Variants in COL6A1 observed in about 807,000 individuals in gnomAD.
COL6A1 encodes the protein collagen alpha-1(VI) chain.
Under a neutral mutation model 145.6 loss-of-function variants are expected in COL6A1, and 80 were observed. That is an observed-to-expected ratio of 0.55 (90% confidence interval 0.46 to 0.66). COL6A1 has a LOEUF of 0.66. Ranked by LOEUF, COL6A1 falls within the 30% of genes least tolerant of loss-of-function variation. COL6A1 has a pLI of 0.00. For synonymous variants in COL6A1, 638 were observed against 622.8 expected, an observed-to-expected ratio of 1.02 and a Z score of -0.36; for missense variants, 1,364 against 1,473.8, an observed-to-expected ratio of 0.93 and a Z score of 1.22.
At chr21:45,999,797 G>T in intron 27 of COL6A1, 105 bp downstream of exon 27, 2 of 957,400 alleles carry the variant, frequency 2.1e-6, no homozygotes, top group South Asian at 1.4e-5. Context: ...GCTCACGGGG[G>T]GGTGGGTTGT....
At position 45,997,455 on chromosome 21, in the gene COL6A1, G is replaced by T; in HGVS notation, c.1433G>T (p.Arg478Leu). The change falls in exon 21 of 35, where the codon CGA (arginine) becomes CTA (leucine). Residue 478 changes from arginine (R) to leucine (L), a missense_variant. Arg to Leu is a moderately radical substitution (Grantham distance 102). Around this residue, in one of 3 missense-constraint regions of COL6A1, gnomAD observed 938 missense variants for 1,003.8 expected, o/e 0.93. Coordinates refer to ENST00000361866, the MANE Select transcript of COL6A1 (RefSeq NM_001848.3). ...EAGPIGPKGY[R>L]GDEGPPGSEG... ...GGCCCTATCGGACCTAAAGGCTACC[G>T]AGGCGATGAGGGTCCCCCAGGGTCC... 2 of 1,612,822 alleles carry T rather than the reference G, an allele frequency of 1.2e-6. No individual in the cohort carries two copies. Among genetic ancestry groups the T allele is most frequent in the South Asian group, 1.1e-5 (1 of 91,086 alleles).
intron 34 of COL6A1, 79 bp from the exon 35 acceptor site, chr21:46,003,312 G>A: frequency 6.2e-7 from 1 of 1,602,844 alleles, no homozygotes; most frequent in Non-Finnish European, 8.5e-7. Context: ...TCTCTGGGGA[G>A]CTTAGACGCT....
At chr21:45,995,745 C>G (rs1488377963) in intron 20 of COL6A1, among the ~76,000 whole-genome samples, 2 of 152,232 alleles carry the variant, frequency 1.3e-5, no homozygotes, top group Non-Finnish European at 2.9e-5. Context: ...GGCTGCTGTC[C>G]TGGAGGAGGT....
In COL6A1 at chr21:45,999,663, C is replaced by T. The variant is rs1398378213; in HGVS notation, c.1747C>T (p.Pro583Ser). The change falls in exon 27 of 35, where the codon CCA (proline) becomes TCA (serine). Residue 583 changes from proline (P) to serine (S), a missense_variant. Physicochemically the swap from Pro to Ser is moderately conservative, Grantham distance 74. Transcript: ENST00000361866. ...TACTCCGTTTCTCGGACAGGGACCC[C>T]CAGGACACCAAGGACCGCCTGGGCC... ...YRGPEGPQGP[P>S]GHQGPPGPDE... 1 of 1,613,486 alleles carries T rather than the reference C, an allele frequency of 6.2e-7. No homozygotes were observed. Among genetic ancestry groups the T allele is most frequent in the East Asian group, 2.2e-5 (1 of 44,816 alleles).
In COL6A1 at chr21:46,004,006, TG is replaced by T. The variant is rs1354667331; in HGVS notation, c.3083del (p.Gly1028AlafsTer21). ...FHQTVSRKVA[L>X]G Reference sequence around the variant, plus strand: ...CAGACAGTCTCCAGGAAGGTGGCGCTGGGCTAGCCCACCCTGCACGCCGGCA... The same window carrying T: ...CAGACAGTCTCCAGGAAGGTGGCGCTGGCTAGCCCACCCTGCACGCCGGCA... On this transcript the variant is annotated frameshift_variant, in exon 35 of 35. Transcript: ENST00000361866. LOFTEE classifies it high-confidence loss of function. The T allele has an allele frequency of 1.2e-6, 2 of 1,612,994 alleles. No homozygotes were observed. Among genetic ancestry groups the T allele is most frequent in the African/African-American group, 2.7e-5 (2 of 74,952 alleles).
rs2077870362 is a variant in COL6A1 at position 46,004,545 on chromosome 21, A to C, written c.*532A>C. The C allele has an allele frequency of 3.2e-6, 1 of 313,974 alleles. No individual in the cohort carries two copies. The highest frequency in any genetic ancestry group is 3.8e-5 in the Admixed American group (1 of 26,322). 19.4% of individuals were successfully genotyped at this position (313,974 alleles called of 1,614,324 possible). On this transcript the variant is annotated 3_prime_UTR_variant, in exon 35 of 35. Transcript: ENST00000361866. ...AATCCTCACCTAACAGTTACTTTACAATTAAACTCAAAGCAAGCTCTTCTC... is the reference window on the plus strand; with the variant it reads ...AATCCTCACCTAACAGTTACTTTACCATTAAACTCAAAGCAAGCTCTTCTC...
In COL6A1 at chr21:46,000,102, G is replaced by A. The variant is rs35900642; in HGVS notation, c.1777-229G>A. Among the ~76,000 whole-genome samples, 131,566 of 150,398 alleles carry A rather than the reference G, an allele frequency of 0.87. 57,544 individuals are homozygous for A. The highest frequency in any genetic ancestry group is 0.9 in the Admixed American group (13,695 of 15,156). ...ACCCATGAGGACCATGAGGGGACCCGTGACGGCCACGGGGAGACCCATGAC... is the reference window on the plus strand; with the variant it reads ...ACCCATGAGGACCATGAGGGGACCCATGACGGCCACGGGGAGACCCATGAC... On this transcript the variant is annotated intron_variant, in intron 27 of 34. Transcript: ENST00000361866.
At chr21:45,987,124 A>C in intron 5 of COL6A1, 31 bp from the exon 6 acceptor site, 2 of 1,588,888 alleles carry the variant, frequency 1.3e-6, no homozygotes, top group Non-Finnish European at 1.7e-6. Context: ...GCAGGTGGAA[A>C]GTAATTCTGC....
intron 24 of COL6A1, 116 bp from the exon 25 acceptor site, chr21:45,998,781 T>C: frequency 8.0e-7 from 1 of 1,247,710 alleles, no homozygotes; most frequent in Non-Finnish European, 1.1e-6. Flanking sequence ...ATGTGTGTGG[T>C]GGGGGAAGGG....
Position 45,990,664 on chromosome 21 carries a change from GCTTTC to G in COL6A1, c.1003-107_1003-103del. 3.9e-6 allele frequency: 4 copies of G among 1,020,910 alleles called. No homozygotes were observed. The South Asian group carries it at 5.1e-5, about 13-fold the overall frequency. 63.2% of individuals were successfully genotyped at this position (1,020,910 alleles called of 1,614,324 possible). A position where few individuals can be genotyped will look rare whatever the true frequency, so the allele number is the denominator to read the frequency against. ...CCCAGGGGGGTGTCTGCTAGGCAGG[GCTTTC>G]CAGGGAGGGTGTGGAGGGCATGGAG... On this transcript the variant is annotated intron_variant, in intron 13 of 34. Coordinates refer to ENST00000361866, the MANE Select transcript of COL6A1 (RefSeq NM_001848.3).
chr21:45,985,266 A>G (rs2077732703), intron 3 of COL6A1, among the ~76,000 whole-genome samples: 2 of 151,914 alleles, frequency 1.3e-5, no homozygotes, highest in Non-Finnish European at 2.9e-5. Context: ...AAATAGAGAG[A>G]TAGAGACAGA....
chr21:45,986,730 T>A, intron 4 of COL6A1, 45 bp downstream of exon 4: 1 of 1,535,656 alleles, frequency 6.5e-7, no homozygotes, highest in Non-Finnish European at 8.7e-7. Context: ...CCACAGGGAG[T>A]GGCGGCTGCA....
At chr21:45,983,441 G>A (rs904304664) in intron 2 of COL6A1, among the ~76,000 whole-genome samples, 1 of 152,254 alleles carries the variant, frequency 6.6e-6, no homozygotes, top group South Asian at 2.1e-4. Context: ...ACGGGTCCTG[G>A]CAGTGGGGAC....
intron 28 of COL6A1, 36 bp from the exon 29 acceptor site, chr21:46,000,723 C>G: frequency 1.2e-6 from 2 of 1,613,900 alleles, no homozygotes; most frequent in Non-Finnish European, 1.7e-6. Context: ...GGACGCGGCC[C>G]TGACTGGTCT....
rs117330552 is a variant in COL6A1 at position 46,001,222 on chromosome 21, C to T, written c.1823-31C>T. On this transcript the variant is annotated intron_variant, in intron 29 of 34. Coordinates refer to ENST00000361866, the MANE Select transcript of COL6A1 (RefSeq NM_001848.3). ...GGGCCAGGGCACTGGAGGGGAGGGG[C>T]GTGCTCTGCTGACACCGCCCCCGCC... 0.036 allele frequency: 57,410 copies of T among 1,595,018 alleles called. 1,286 individuals are homozygous for T. Among genetic ancestry groups the T allele is most frequent in the Non-Finnish European group, 0.043 (51,045 of 1,175,484 alleles).
intron 29 of COL6A1, 170 bp from the exon 30 acceptor site, chr21:46,001,083 A>T (rs1346788865): frequency 4.2e-6 from 4 of 951,384 alleles, no homozygotes; most frequent in Non-Finnish European, 6.2e-6. Context: ...CGGACAGAGC[A>T]GCCTTTACGG....
At chr21:45,999,298 G>A (rs1235149301) in intron 26 of COL6A1, 80 bp downstream of exon 26, 1 of 1,381,322 alleles carries the variant, frequency 7.2e-7, no homozygotes, top group East Asian at 2.5e-5. Context: ...TGCTGGAAGA[G>A]GCTGGGAGAG....
In COL6A1 at chr21:45,999,037, A is replaced by G. The variant is rs992186807; in HGVS notation, c.1674+78A>G. The G allele has an allele frequency of 2.6e-5, 40 of 1,546,118 alleles. No individual in the cohort carries two copies. In the African/African-American group the frequency reaches 4.8e-4, roughly 19 times the overall value. ...CTGGGCCCTTGAAGGGCAGTGGACC[A>G]GGACCCGCTTGGGGAGGCCTCATGG... On this transcript the variant is annotated intron_variant, in intron 25 of 34. Coordinates refer to ENST00000361866, the MANE Select transcript of COL6A1 (RefSeq NM_001848.3).
Position 45,986,553 on chromosome 21 carries a change from C to A in COL6A1, c.456C>A (p.Tyr152Ter). The change falls in exon 4 of 35, where the codon TAC becomes TAA. Residue 152 changes from tyrosine (Y) to a stop codon, truncating the protein, a stop_gained. Coordinates refer to ENST00000361866, the MANE Select transcript of COL6A1 (RefSeq NM_001848.3). LOFTEE classifies it high-confidence loss of function. Reference protein sequence around the residue: ...VGGSHLKENKYLIVVTDGHPL... With the variant: ...VGGSHLKENK ...GCTCCCACCTGAAGGAGAATAAGTA[C>A]CTGATTGTGGTGACCGACGGGCACC... 1 of 1,565,612 alleles carries A rather than the reference C, an allele frequency of 6.4e-7. No individual in the cohort carries two copies. Among genetic ancestry groups the A allele is most frequent in the Non-Finnish European group, 8.7e-7 (1 of 1,155,126 alleles).
Sources: gnomAD v4.1 joint callset for allele counts (sites outside exome capture counted in the v4.1 genomes callset) on GRCh38, gnomAD v4.1.1 for gene constraint, gnomAD v4.1.1 regional missense constraint, MANE v1.5 for transcripts, NCBI Gene and HGNC (gene_info 2026-07-23, HGNC 2026-07-21) for gene names.